AFF1: variants seen among roughly 807,000 people sequenced by gnomAD.
AFF1 encodes ALF transcription elongation factor 1, also known as AF4/FMR2 family member 1.
A neutral mutation model predicts 121.7 loss-of-function variants in AFF1; 48 were observed. That is an observed-to-expected ratio of 0.39 (90% CI 0.31 to 0.50). The LOEUF (loss-of-function observed/expected upper bound fraction) is 0.50, where lower values mean the gene tolerates loss of function less well. AFF1 is among the 20% of genes least tolerant of loss of function. The pLI is 0.76. For missense variants in AFF1, 1,523 were observed against 1,511.7 expected (o/e 1.01, Z -0.12); for synonymous variants, 613 against 563.0 (o/e 1.09, Z -1.26).
chr4:87,019,352 C>G (rs545037384), intron 2 of AFF1, among the ~76,000 whole-genome samples: 1 of 152,170 alleles, frequency 6.6e-6, no homozygotes, highest in Admixed American at 6.6e-5. Context: ...GTGACCTTCT[C>G]TTATCTTCCT....
intron 4 of AFF1, among the ~76,000 whole-genome samples, chr4:87,076,933 A>G (rs1722729295): frequency 6.6e-6 from 1 of 152,206 alleles, no homozygotes; most frequent in African/African-American, 2.4e-5. Context: ...TTTTATGACA[A>G]ACCTTGTTCA....
At chr4:86,998,696 TATGA>T (rs1406207905) in intron 2 of AFF1, among the ~76,000 whole-genome samples, 1 of 152,218 alleles carries the variant, frequency 6.6e-6, no homozygotes, top group Non-Finnish European at 1.5e-5. Flanking sequence ...ACTCTGATAC[TATGA>T]ATGTCTTCCT....
intron 4 of AFF1, among the ~76,000 whole-genome samples, chr4:87,053,921 A>G (rs1181440720): frequency 6.6e-6 from 1 of 152,210 alleles, no homozygotes. Flanking sequence ...AGGAAGTACT[A>G]TTTGAATGAG....
intron 4 of AFF1, among the ~76,000 whole-genome samples, chr4:87,063,256 T>TTTGA (rs869168821): frequency 4.5e-5 from 6 of 134,552 alleles, no homozygotes; most frequent in African/African-American, 1.7e-4. Context: ...TTTTTTTTTT[T>TTTGA]GAGACAGAGT....
rs1195725970 is a variant in AFF1 at position 87,131,204 on chromosome 4, C to G, written c.3086C>G (p.Thr1029Ser). The G allele has an allele frequency of 2.5e-6, 4 of 1,614,122 alleles. No homozygotes were observed. In the African/African-American group the frequency reaches 5.3e-5, roughly 22 times the overall value. The change falls in exon 17 of 21, where the codon ACT (threonine) becomes AGT (serine). Residue 1029 changes from threonine to serine, a missense_variant. This residue lies in a region of AFF1 where 241 missense variants were observed against 265.2 expected (regional missense o/e 0.91). Transcript: ENST00000395146. ...TCAGCTTACTCTGTCTACTCAGAAA[C>G]TGTAGATCTCATTAAGTAAGTGCCG... ...SKSAYSVYSE[T>S]VDLIKFIMSL...
intron 1 of AFF1, among the ~76,000 whole-genome samples, chr4:86,946,567 A>G (rs1296126226): frequency 6.7e-6 from 1 of 149,632 alleles, no homozygotes; most frequent in African/African-American, 2.5e-5. Context: ...ATTTATTTTT[A>G]TATTTAGCAG....
chr4:87,105,084 TACTGTGTATTTAATTCTAATGTTGA>T (rs1202605287), intron 8 of AFF1, among the ~76,000 whole-genome samples: 4 of 152,264 alleles, frequency 2.6e-5, no homozygotes, highest in African/African-American at 9.6e-5. Flanking sequence ...TCATACATCT[TACTGTGTATTTAATTCTAATGTTGA>T]ACTTTTTATG....
intron 2 of AFF1, among the ~76,000 whole-genome samples, chr4:87,026,278 G>A (rs540052815): frequency 6.6e-6 from 1 of 152,230 alleles, no homozygotes; most frequent in East Asian, 1.9e-4. Context: ...TGTACTTTTA[G>A]TAGAGATGGG....
At chr4:87,063,228 CTTTTTTTTTT>C (rs569577993) in intron 4 of AFF1, among the ~76,000 whole-genome samples, 708 of 44,468 alleles carry the variant, frequency 0.016, 17 homozygotes, top group East Asian at 0.075. Context: ...AGATTCACCT[CTTTTTTTTTT>C]TTTTTTTTTT....
chr4:87,096,208 A>G (rs1724829658), intron 8 of AFF1, among the ~76,000 whole-genome samples: 2 of 148,818 alleles, frequency 1.3e-5, no homozygotes, highest in Non-Finnish European at 3.0e-5. Flanking sequence ...AATGTATTTT[A>G]TTTGTGATAC....
intron 4 of AFF1, among the ~76,000 whole-genome samples, chr4:87,075,065 A>G (rs1722509283): frequency 6.6e-6 from 1 of 152,196 alleles, no homozygotes; most frequent in African/African-American, 2.4e-5. Context: ...AAATATCTTT[A>G]TGATGCCAAT....
At chr4:87,120,952 C>T (rs1263607188) in intron 12 of AFF1, among the ~76,000 whole-genome samples, 2 of 152,214 alleles carry the variant, frequency 1.3e-5, no homozygotes, top group African/African-American at 4.8e-5. Context: ...GACTTGGCCC[C>T]TTGCAAGCCC....
At chr4:87,031,478 G>A (rs1454076095) in intron 2 of AFF1, among the ~76,000 whole-genome samples, 1 of 142,922 alleles carries the variant, frequency 7.0e-6, no homozygotes, top group Non-Finnish European at 1.5e-5. Flanking sequence ...CTTCATTTGT[G>A]TATCTCGCTA....
intron 2 of AFF1, among the ~76,000 whole-genome samples, chr4:87,032,810 T>C (rs1729201052): frequency 6.6e-6 from 1 of 152,084 alleles, no homozygotes; most frequent in South Asian, 2.1e-4. Flanking sequence ...GTTTATTCAG[T>C]AATTGAAAAA....
chr4:87,023,261 T>A (rs1437955514), intron 2 of AFF1, among the ~76,000 whole-genome samples: 1 of 152,174 alleles, frequency 6.6e-6, no homozygotes, highest in Non-Finnish European at 1.5e-5. Context: ...TGGGGAAGAA[T>A]TCTGTTTAGT....
intron 2 of AFF1, among the ~76,000 whole-genome samples, chr4:87,031,325 A>T (rs950651611): frequency 4.6e-5 from 7 of 152,266 alleles, no homozygotes; most frequent in African/African-American, 1.7e-4. Context: ...TTCAGCTCAG[A>T]TGTCCCTGTT....
At chr4:87,001,125 G>A (rs1725680214) in intron 2 of AFF1, among the ~76,000 whole-genome samples, 1 of 149,890 alleles carries the variant, frequency 6.7e-6, no homozygotes, top group Admixed American at 6.6e-5. Flanking sequence ...TCCTTTGGGG[G>A]CCTCAGAGGT....
chr4:86,975,915 A>AG (rs1289400584), intron 2 of AFF1, among the ~76,000 whole-genome samples: 2 of 152,224 alleles, frequency 1.3e-5, no homozygotes, highest in African/African-American at 2.4e-5. Context: ...TTAGATAAAG[A>AG]GGAGGGTCAG....
chr4:87,005,100 C>G (rs557089900), intron 2 of AFF1, among the ~76,000 whole-genome samples: 1 of 152,278 alleles, frequency 6.6e-6, no homozygotes, highest in Non-Finnish European at 1.5e-5. Context: ...TTCCACCTCC[C>G]AAGTATCTGG....
Sources: gnomAD v4.1 joint callset for allele counts (sites outside exome capture counted in the v4.1 genomes callset) on GRCh38, gnomAD v4.1.1 for gene constraint, gnomAD v4.1.1 regional missense constraint, MANE v1.5 for transcripts, NCBI Gene and HGNC (gene_info 2026-07-23, HGNC 2026-07-21) for gene names.